The following CERS4 variants were observed in gnomAD, a reference collection of about 807,000 sequenced individuals.
The protein encoded by CERS4 is ceramide synthase 4, also known as LAG1 homolog, ceramide synthase 4.
Under a neutral mutation model 51.8 loss-of-function variants are expected in CERS4, and 65 were observed. That is an observed-to-expected ratio of 1.26 (90% CI 1.03 to 1.54). The LOEUF is 1.54. CERS4 is among the 40% of genes most tolerant of loss of function. The probability of loss-of-function intolerance (pLI) is 0.00; values close to 1 mark genes in which losing one functional copy is unlikely to be tolerated. For synonymous variants in CERS4, 228 were observed against 208.4 expected (o/e 1.09, Z -0.81); for missense variants, 563 against 500.4 (o/e 1.13, Z -1.19).
At chr19:8,254,323 A>C (rs1205629242) in intron 3 of CERS4, among the ~76,000 whole-genome samples, 176 bp from the exon 4 acceptor site, 1 of 37,410 alleles carries the variant, frequency 2.7e-5, no homozygotes, top group African/African-American at 1.0e-4. Flanking sequence ...ACTCTGTCTC[A>C]AAAAAAAAAA....
chr19:8,209,933 C>T (rs966573609), intron 1 of CERS4: 1 of 152,458 alleles, frequency 6.6e-6, no homozygotes, highest in African/African-American at 2.4e-5. Flanking sequence ...CCGAGCTAAC[C>T]CATCAGGCGG....
intron 2 of CERS4, among the ~76,000 whole-genome samples, chr19:8,220,817 GT>G (rs71165296): frequency 1.5e-4 from 22 of 144,388 alleles, no homozygotes; most frequent in Admixed American, 3.5e-4. Context: ...GCTGTTTTGT[GT>G]TTTTTTTTTT....
chr19:8,247,285 AC>A (rs1357416380), intron 2 of CERS4, among the ~76,000 whole-genome samples: 2 of 135,654 alleles, frequency 1.5e-5, no homozygotes, highest in East Asian at 4.2e-4. Context: ...TGCTCACTGC[AC>A]CAGCCACACG....
rs955421617 is a variant in CERS4, at chr19:8,232,234, G to A, written c.-1-18842G>A. The stretch of plus-strand genomic sequence containing the variant: ...TTCTTCCATTTATAGATTCCCTTCC[G>A]ATTGCTACTTGTTTTTCCTCTTTAG... On this transcript the variant is annotated intron_variant, in intron 2 of 11. Transcript: ENST00000251363. 5.6e-4 allele frequency among the ~76,000 whole-genome samples: 85 copies of A among 152,024 alleles called. 1 individual carries two copies. Among genetic ancestry groups the A allele is most frequent in the African/African-American group, 1.9e-3 (80 of 41,472 alleles).
At chr19:8,260,582 C>G (rs1436993455) in intron 10 of CERS4, among the ~76,000 whole-genome samples, 1 of 150,656 alleles carries the variant, frequency 6.6e-6, no homozygotes, top group Non-Finnish European at 1.5e-5. Context: ...CCCAGAGGGG[C>G]AGAGTAAAGA....
At chr19:8,252,224 G>T (rs1031094887) in intron 3 of CERS4, among the ~76,000 whole-genome samples, 1 of 151,924 alleles carries the variant, frequency 6.6e-6, no homozygotes, top group African/African-American at 2.4e-5. Flanking sequence ...CAAAAAATTA[G>T]TTGGGTGTGG....
At chr19:8,220,784 G>A (rs535112631) in intron 2 of CERS4, among the ~76,000 whole-genome samples, 17 of 152,074 alleles carry the variant, frequency 1.1e-4, no homozygotes, top group African/African-American at 3.6e-4. Context: ...ATGGCATCAA[G>A]GCTGAGGGCT....
intron 2 of CERS4, among the ~76,000 whole-genome samples, chr19:8,230,508 TATC>T (rs1967966541): frequency 6.6e-6 from 1 of 152,154 alleles, no homozygotes; most frequent in African/African-American, 2.4e-5. Context: ...GATCTTTTGA[TATC>T]ATCCAGAAAA....
chr19:8,243,681 T>C (rs1270186180), intron 2 of CERS4, among the ~76,000 whole-genome samples: 1 of 151,914 alleles, frequency 6.6e-6, no homozygotes, highest in Non-Finnish European at 1.5e-5. Flanking sequence ...CAGGGTCTTG[T>C]TGACCCCTTG....
intron 2 of CERS4, among the ~76,000 whole-genome samples, chr19:8,221,262 C>G (rs1183567569): frequency 6.6e-6 from 1 of 152,012 alleles, no homozygotes; most frequent in Non-Finnish European, 1.5e-5. Context: ...AGCCACTGTA[C>G]CTGGTTCTGC....
intron 2 of CERS4, among the ~76,000 whole-genome samples, chr19:8,217,131 G>A (rs1967333291): frequency 6.6e-6 from 1 of 152,098 alleles, no homozygotes; most frequent in Non-Finnish European, 1.5e-5. Flanking sequence ...GAAATGTGAT[G>A]AAGAGCAAGG....
chr19:8,238,158 C>T (rs1375007626), intron 2 of CERS4, among the ~76,000 whole-genome samples: 2 of 152,062 alleles, frequency 1.3e-5, no homozygotes, highest in African/African-American at 4.8e-5. Context: ...CCACTTTACT[C>T]TGGGATGCTG....
At chr19:8,237,931 C>T (rs1016946551) in intron 2 of CERS4, among the ~76,000 whole-genome samples, 5 of 152,158 alleles carry the variant, frequency 3.3e-5, no homozygotes, top group Admixed American at 6.6e-5. Context: ...CTCCGTAATG[C>T]TGTTTTTATT....
intron 2 of CERS4, among the ~76,000 whole-genome samples, chr19:8,232,530 G>A (rs1411965583): frequency 6.6e-6 from 1 of 151,752 alleles, no homozygotes; most frequent in Non-Finnish European, 1.5e-5. Context: ...GACCTCAGAT[G>A]ATCTGCCCAC....
intron 2 of CERS4, among the ~76,000 whole-genome samples, chr19:8,247,833 A>C (rs1458827404): frequency 6.6e-6 from 1 of 150,704 alleles, no homozygotes; most frequent in East Asian, 2.0e-4. Flanking sequence ...TCCCAGGTTC[A>C]AGTGATTCTC....
chr19:8,254,360 A>G lies in CERS4; in HGVS notation c.174-139A>G, dbSNP rs978567356. 9.6e-6 allele frequency: 5 copies of G among 520,456 alleles called. No individual in the cohort carries two copies. The African/African-American group carries it at 1.1e-4, about 11-fold the overall frequency. 32.2% of individuals were successfully genotyped at this position (520,456 alleles called of 1,614,324 possible). A position where few individuals can be genotyped will look rare whatever the true frequency, so the allele number is the denominator to read the frequency against. On this transcript the variant is annotated intron_variant, in intron 3 of 11. Transcript: ENST00000251363. The stretch of plus-strand genomic sequence containing the variant: ...AAAAAAAAGTCTTACACACCCTGCC[A>G]TGTGCCAGCTGTGCTCTCTGAGCCT...
At chr19:8,220,972 C>T (rs1229100435) in intron 2 of CERS4, among the ~76,000 whole-genome samples, 1 of 152,040 alleles carries the variant, frequency 6.6e-6, no homozygotes, top group Admixed American at 6.6e-5. Flanking sequence ...TAGGCGCCCG[C>T]CACGGTGCCT....
intron 2 of CERS4, among the ~76,000 whole-genome samples, chr19:8,223,506 C>T (rs933782806): frequency 1.3e-5 from 2 of 152,074 alleles, no homozygotes; most frequent in Admixed American, 1.3e-4. Flanking sequence ...GTAATCCCAG[C>T]TACTTGTGAG....
intron 2 of CERS4, among the ~76,000 whole-genome samples, chr19:8,235,389 A>T (rs1357795523): frequency 6.7e-6 from 1 of 150,254 alleles, no homozygotes; most frequent in East Asian, 2.0e-4. Flanking sequence ...CGGCCTTCCA[A>T]TGTGCTGGGA....
Sources: gnomAD v4.1 joint callset for allele counts (sites outside exome capture counted in the v4.1 genomes callset) on GRCh38, gnomAD v4.1.1 for gene constraint, MANE v1.5 for transcripts, NCBI Gene and HGNC (gene_info 2026-07-23, HGNC 2026-07-21) for gene names.